The following PKP2 variants were observed in gnomAD, a reference collection of about 807,000 sequenced individuals.
The protein encoded by PKP2 is plakophilin 2.
Under a neutral mutation model 83.4 loss-of-function variants are expected in PKP2, and 73 were observed. The ratio of observed to expected loss-of-function variants is 0.88; its 90% CI spans 0.72 to 1.06. The LOEUF (loss-of-function observed/expected upper bound fraction) is 1.06, where lower values mean the gene tolerates loss of function less well. Among genes scored for constraint, PKP2 ranks in the 50% least tolerant of loss-of-function variants. The pLI, the probability that PKP2 is intolerant of heterozygous loss-of-function variation, is 0.00. For synonymous variants in PKP2, 409 were observed against 430.4 expected (o/e 0.95, Z 0.62); for missense variants, 966 against 1,065.4 (o/e 0.91, Z 1.30).
chr12:32,849,523 C>T (rs979777431), intron 5 of PKP2, among the ~76,000 whole-genome samples: 2 of 152,210 alleles, frequency 1.3e-5, no homozygotes, highest in African/African-American at 4.8e-5. Context: ...CCAGCCCCTC[C>T]TGTACTCTTT....
At chr12:32,804,899 C>G (rs538798408) in intron 9 of PKP2, among the ~76,000 whole-genome samples, 1 of 152,346 alleles carries the variant, frequency 6.6e-6, no homozygotes, top group East Asian at 1.9e-4. Context: ...AATGGTTGAA[C>G]TAATTTGCAC....
At chr12:32,795,248 A>C (rs1248938730) in intron 11 of PKP2, among the ~76,000 whole-genome samples, 1 of 151,832 alleles carries the variant, frequency 6.6e-6, no homozygotes, top group Non-Finnish European at 1.5e-5. Flanking sequence ...AATGACATGC[A>C]TTGGACCTTC....
At position 32,847,027 on chromosome 12, in the gene PKP2, C is replaced by T. The variant is rs1452340246; in HGVS notation, c.1378+3739G>A. On this transcript the variant is annotated intron_variant, in intron 5 of 12. Coordinates refer to ENST00000340811, the MANE Select transcript of PKP2 (RefSeq NM_001005242.3). ...TCACCAATTATGCTTTCACCTCTTA[C>T]GGAGTTGTCAGGAGAAATAGGGATA... Among the ~76,000 whole-genome samples the T allele has an allele frequency of 5.3e-5, 8 of 151,700 alleles. No individual in the cohort carries two copies. The South Asian group carries it at 8.3e-4, about 16-fold the overall frequency.
At chr12:32,883,698 G>A (rs1041455546) in intron 1 of PKP2, among the ~76,000 whole-genome samples, 1 of 152,142 alleles carries the variant, frequency 6.6e-6, no homozygotes, top group African/African-American at 2.4e-5. Context: ...AAATCCGTAG[G>A]CTTCATCTGG....
chr12:32,852,451 C>A (rs1175348552), intron 4 of PKP2, among the ~76,000 whole-genome samples: 1 of 152,130 alleles, frequency 6.6e-6, no homozygotes, highest in Non-Finnish European at 1.5e-5. Flanking sequence ...AAATAAACAT[C>A]AGAAATGTAA....
rs1366663418 is a variant in PKP2 at position 32,792,279 on chromosome 12, C to T, written c.*145G>A. 3 of 720,522 alleles carry T rather than the reference C, an allele frequency of 4.2e-6. No individual in the cohort carries two copies. Among genetic ancestry groups the T allele is most frequent in the African/African-American group, 1.8e-5 (1 of 56,658 alleles). 44.6% of individuals were successfully genotyped at this position (720,522 alleles called of 1,614,324 possible). On this transcript the variant is annotated 3_prime_UTR_variant, in exon 13 of 13. Coordinates refer to ENST00000340811, the MANE Select transcript of PKP2 (RefSeq NM_001005242.3). ...TCTGGAAGACTCATAAAATTATGTT[C>T]TATTTGTTTTCTGGATTCAGGGGAC...
intron 9 of PKP2, among the ~76,000 whole-genome samples, chr12:32,816,876 G>T (rs1565579172): frequency 6.6e-6 from 1 of 152,094 alleles, no homozygotes. Context: ...TTGGCCACTG[G>T]TAATGTCTTT....
intron 3 of PKP2, among the ~76,000 whole-genome samples, chr12:32,875,361 G>C (rs1317692583): frequency 6.6e-6 from 1 of 152,164 alleles, no homozygotes; most frequent in Non-Finnish European, 1.5e-5. Context: ...GAAAGAGAGA[G>C]AGAATGAATA....
intron 4 of PKP2, among the ~76,000 whole-genome samples, chr12:32,868,713 G>A (rs1001822668): frequency 1.3e-5 from 2 of 152,092 alleles, no homozygotes; most frequent in African/African-American, 4.8e-5. Context: ...AGTAGAGACA[G>A]GGGTTCCACC....
intron 6 of PKP2, among the ~76,000 whole-genome samples, chr12:32,834,269 A>G (rs80260281): frequency 0.04 from 6,100 of 152,256 alleles, 419 homozygotes; most frequent in African/African-American, 0.14. Context: ...AGAAATTTAA[A>G]TAGTGGTTTG....
intron 6 of PKP2, among the ~76,000 whole-genome samples, chr12:32,840,263 G>A (rs1956577566): frequency 6.6e-6 from 1 of 152,126 alleles, no homozygotes; most frequent in South Asian, 2.1e-4. Context: ...TTGCTTATCT[G>A]TGTCCCCTGC....
At position 32,792,333 on chromosome 12, in the gene PKP2, G is replaced by T; in HGVS notation, c.*91C>A. On this transcript the variant is annotated 3_prime_UTR_variant, in exon 13 of 13. Coordinates refer to ENST00000340811, the MANE Select transcript of PKP2 (RefSeq NM_001005242.3). ...GGAAATAGAGAAGGATAGAAACAAG[G>T]CATGCTTTTGAGGTTTCTTGGGCTG... The T allele has an allele frequency of 2.3e-6, 2 of 879,456 alleles. No individual in the cohort carries two copies. The highest frequency in any genetic ancestry group is 1.3e-5 in the South Asian group (1 of 75,400). 54.5% of individuals were successfully genotyped at this position (879,456 alleles called of 1,614,324 possible).
intron 4 of PKP2, 90 bp from the exon 5 acceptor site, chr12:32,851,063 T>G: frequency 9.6e-7 from 1 of 1,038,788 alleles, no homozygotes; most frequent in Non-Finnish European, 1.5e-6. Context: ...AGTTTACTGA[T>G]GCTGACTATA....
At chr12:32,834,572 C>G (rs1852754152) in intron 6 of PKP2, among the ~76,000 whole-genome samples, 1 of 152,118 alleles carries the variant, frequency 6.6e-6, no homozygotes, top group Admixed American at 6.6e-5. Context: ...CTTCTCTAGT[C>G]TGATGGAGCC....
rs531848008 is a variant in PKP2, at chr12:32,892,664, A to G, written c.223+3845T>C. Among the ~76,000 whole-genome samples the G allele has an allele frequency of 5.3e-5, 8 of 152,196 alleles. No homozygotes were observed. In the East Asian group the frequency reaches 1.4e-3, roughly 26 times the overall value. On this transcript the variant is annotated intron_variant, in intron 1 of 12. Transcript: ENST00000340811. ...ATTGAAAAGCAGCTTCACCAAGGAA[A>G]TCACCTAAGATAATAGTGTGCCTCA...
rs73301724 is a variant in PKP2, at chr12:32,802,220, G to C, written c.2167+183C>G. On this transcript the variant is annotated intron_variant, in intron 10 of 12. Transcript: ENST00000340811. ...GTTGGATATTTAAAAAAAATCTCTG[G>C]TGAGATCCACTGAGAAAGCCTGTTT... Among the ~76,000 whole-genome samples the C allele has an allele frequency of 0.2, 29,949 of 151,462 alleles. 3,636 individuals carry two copies. Among genetic ancestry groups the C allele is most frequent in the East Asian group, 0.57 (2,914 of 5,154 alleles).
At chr12:32,859,838 G>T (rs1201246785) in intron 4 of PKP2, among the ~76,000 whole-genome samples, 1 of 151,622 alleles carries the variant, frequency 6.6e-6, no homozygotes, top group African/African-American at 2.4e-5. Flanking sequence ...GCCTATTTTT[G>T]CTTATCAGAT....
intron 10 of PKP2, 104 bp downstream of exon 10, chr12:32,802,299 C>T: frequency 8.4e-7 from 1 of 1,191,380 alleles, no homozygotes; most frequent in Non-Finnish European, 1.2e-6. Context: ...TCCTTACTCC[C>T]ATTTCCAGTG....
chr12:32,891,259 C>T (rs1957073370), intron 1 of PKP2, among the ~76,000 whole-genome samples: 1 of 152,072 alleles, frequency 6.6e-6, no homozygotes. Flanking sequence ...TGTTGAATGT[C>T]ATCTGAGATG....
Sources: gnomAD v4.1 joint callset for allele counts (sites outside exome capture counted in the v4.1 genomes callset) on GRCh38, gnomAD v4.1.1 for gene constraint, MANE v1.5 for transcripts, NCBI Gene and HGNC (gene_info 2026-07-23, HGNC 2026-07-21) for gene names.